The following KCNC4 variants were observed in gnomAD, a reference collection of about 807,000 sequenced individuals.
KCNC4 encodes potassium voltage-gated channel subfamily C member 4, also known as voltage-gated potassium channel KCNC4.
Under a neutral mutation model 42.8 loss-of-function variants are expected in KCNC4, and 23 were observed. The ratio of observed to expected loss-of-function variants is 0.54; its 90% CI spans 0.39 to 0.76. KCNC4 has a LOEUF of 0.76. Ranked by LOEUF, KCNC4 falls within the 30% of genes least tolerant of loss-of-function variation. KCNC4 has a pLI of 0.00. For missense variants in KCNC4, 751 were observed against 898.2 expected (o/e 0.84, Z 2.10); for synonymous variants, 422 against 393.5 (o/e 1.07, Z -0.86).
At chr1:110,246,507 G>C (rs12129055) in exon 4 of KCNC4, 46,377 of 152,138 alleles carry the variant, frequency 0.3, 7,883 homozygotes, top group Non-Finnish European at 0.38. Context: ...CTGACTCCCT[G>C]CTGGATAAAG....
intron 1 of KCNC4, among the ~76,000 whole-genome samples, chr1:110,271,744 T>C (rs1324577166): frequency 1.3e-5 from 2 of 151,960 alleles, no homozygotes; most frequent in African/African-American, 4.8e-5. Context: ...CTGTTTCTAT[T>C]GCAGGGTGGG....
chr1:110,266,629 T>C (rs987404335), intron 1 of KCNC4, among the ~76,000 whole-genome samples: 1 of 152,194 alleles, frequency 6.6e-6, no homozygotes. Flanking sequence ...ACAGAACCTT[T>C]AAGTGGCAGG....
intron 2 of KCNC4, 95 bp from the exon 3 acceptor site, chr1:110,225,879 AG>A: frequency 8.4e-7 from 1 of 1,194,976 alleles, no homozygotes; most frequent in African/African-American, 1.5e-5. Context: ...CCCAAGGTTG[AG>A]GAAGTAACAC....
intron 2 of KCNC4, chr1:110,224,956 C>T (rs149697311): frequency 0.016 from 2,512 of 152,304 alleles, 62 homozygotes; most frequent in African/African-American, 0.056. Context: ...CATACATGCC[C>T]GGGTCCACTC....
chr1:110,226,914 G>A lies in KCNC4; in HGVS notation c.1819+736G>A, dbSNP rs61784497. Reference sequence around the variant, plus strand: ...GCAGAGGTTGGGCTGTGGAGCTAGGGATTCCTGGCCTCGGAAAGCGGGTAG... The same window carrying A: ...GCAGAGGTTGGGCTGTGGAGCTAGGAATTCCTGGCCTCGGAAAGCGGGTAG... On this transcript the variant is annotated intron_variant, in intron 3 of 3. Coordinates refer to ENST00000438661, the MANE Select transcript of KCNC4 (RefSeq NM_001039574.3). Among the ~76,000 whole-genome samples, 225 of 152,336 alleles carry A rather than the reference G, an allele frequency of 1.5e-3. 2 individuals are homozygous for A. The highest frequency in any genetic ancestry group is 0.014 in the Admixed American group (221 of 15,308).
At chr1:110,256,350 C>T (rs1659329449) in intron 1 of KCNC4, among the ~76,000 whole-genome samples, 1 of 152,120 alleles carries the variant, frequency 6.6e-6, no homozygotes, top group Admixed American at 6.5e-5. Context: ...GGATATGAGC[C>T]CAAAGAATCT....
intron 2 of KCNC4, chr1:110,225,127 G>A (rs1198001312): frequency 6.6e-6 from 1 of 152,234 alleles, no homozygotes; most frequent in Non-Finnish European, 1.5e-5. Context: ...CCCATTCAGG[G>A]TATAAAGAGA....
At chr1:110,263,119 C>A (rs916893880) in intron 1 of KCNC4, among the ~76,000 whole-genome samples, 3 of 152,182 alleles carry the variant, frequency 2.0e-5, no homozygotes, top group African/African-American at 7.2e-5. Context: ...GAATGGCTGC[C>A]TGCCTGGTGG....
At chr1:110,218,565 C>T (rs573813719) in intron 1 of KCNC4, among the ~76,000 whole-genome samples, 40 of 137,490 alleles carry the variant, frequency 2.9e-4, no homozygotes, top group Admixed American at 7.2e-4. Context: ...TTGTTAAAGT[C>T]GGCCTCCACT....
chr1:110,229,965 C>T (rs1026897743), intron 3 of KCNC4, among the ~76,000 whole-genome samples: 2 of 152,156 alleles, frequency 1.3e-5, no homozygotes, highest in African/African-American at 4.8e-5. Flanking sequence ...CCATGGTCAG[C>T]AAAGATAGGA....
Position 110,269,659 on chromosome 1 carries a change from T to C in KCNC4, n.31-12875T>C, listed in dbSNP as rs909547924. Among the ~76,000 whole-genome samples the C allele has an allele frequency of 3.9e-5, 6 of 152,366 alleles. No individual in the cohort carries two copies. In the South Asian group the frequency reaches 1.0e-3, roughly 26 times the overall value. On this transcript the variant is annotated intron_variant and non_coding_transcript_variant, in intron 1 of 2. Transcript: ENST00000412512. Reference sequence around the variant, plus strand: ...GTTTTCATTTCTCCTGGTAAATACCTAGGAACGGGATTTATGAGTTGTAAG... The same window carrying C: ...GTTTTCATTTCTCCTGGTAAATACCCAGGAACGGGATTTATGAGTTGTAAG...
At chr1:110,283,966 G>A (rs1485155042), downstream of KCNC4, among the ~76,000 whole-genome samples, 4 of 152,158 alleles carry the variant, frequency 2.6e-5, no homozygotes, top group East Asian at 7.7e-4. Context: ...GTTACTTTGG[G>A]CACAACACTA....
chr1:110,251,007 G>C (rs1312924985), downstream of KCNC4, among the ~76,000 whole-genome samples: 3 of 152,184 alleles, frequency 2.0e-5, no homozygotes. Flanking sequence ...AGGCAGAGAG[G>C]GGAGACAGGT....
At chr1:110,265,271 G>A (rs950951586) in intron 1 of KCNC4, among the ~76,000 whole-genome samples, 20 of 151,462 alleles carry the variant, frequency 1.3e-4, no homozygotes, top group Non-Finnish European at 2.1e-4. Flanking sequence ...TAGAAGCCTC[G>A]GAAAAATAAG....
chr1:110,249,911 C>G (rs1308972431), downstream of KCNC4, among the ~76,000 whole-genome samples: 1 of 152,164 alleles, frequency 6.6e-6, no homozygotes. Context: ...CTCTTCTCTC[C>G]CAGTCCCTAG....
intron 1 of KCNC4, among the ~76,000 whole-genome samples, chr1:110,216,131 A>G (rs1330586662): frequency 6.6e-6 from 1 of 152,246 alleles, no homozygotes; most frequent in Non-Finnish European, 1.5e-5. Flanking sequence ...CTTCTAGGAA[A>G]GGAGCAGAGC....
chr1:110,260,523 C>G (rs920468555), intron 1 of KCNC4, among the ~76,000 whole-genome samples: 1 of 152,112 alleles, frequency 6.6e-6, no homozygotes, highest in African/African-American at 2.4e-5. Context: ...GAGATAATAT[C>G]AATAGTAAAA....
intron 3 of KCNC4, among the ~76,000 whole-genome samples, chr1:110,231,303 G>T (rs734695): frequency 6.6e-6 from 1 of 152,032 alleles, no homozygotes; most frequent in Non-Finnish European, 1.5e-5. Context: ...TCTGGCCAGC[G>T]TCACCCTCTG....
rs1042958895 is a variant in KCNC4, at chr1:110,222,956, G to C, written c.679-8G>C. 8 of 1,607,584 alleles carry C rather than the reference G, an allele frequency of 5.0e-6. No individual in the cohort carries two copies. The highest frequency in any genetic ancestry group is 4.0e-5 in the African/African-American group (3 of 74,812). ...CAGCTGCCCCCTGCTCTCCTCCCCT[G>C]CCCATAGGTAGTGGCCTTTGCCTCT... On this transcript the variant is annotated splice_region_variant and splice_polypyrimidine_tract_variant and intron_variant, in intron 1 of 3. Transcript: ENST00000438661.
Sources: gnomAD v4.1 joint callset for allele counts (sites outside exome capture counted in the v4.1 genomes callset) on GRCh38, gnomAD v4.1.1 for gene constraint, MANE v1.5 for transcripts, NCBI Gene and HGNC (gene_info 2026-07-23, HGNC 2026-07-21) for gene names.